PLCE1: variants seen among roughly 807,000 people sequenced by gnomAD.
The protein encoded by PLCE1 is phospholipase C epsilon 1, also known as 1-phosphatidylinositol 4,5-bisphosphate phosphodiesterase epsilon-1.
In PLCE1, 119 loss-of-function variants were observed where a neutral mutation model predicts 242.8. That is an observed-to-expected ratio of 0.49 (90% CI 0.42 to 0.57). The LOEUF (loss-of-function observed/expected upper bound fraction) is 0.57. Ranked by LOEUF, PLCE1 falls within the 20% of genes least tolerant of loss-of-function variation. The probability of loss-of-function intolerance (pLI) is 0.00; values close to 1 mark genes in which losing one functional copy is unlikely to be tolerated. For missense variants in PLCE1, 2,441 were observed against 2,788.8 expected (o/e 0.88, Z 2.81); for synonymous variants, 945 against 1,017.4 (o/e 0.93, Z 1.35).
chr10:94,280,218 G>T, intron 20 of PLCE1: 1 of 407,654 alleles, frequency 2.5e-6, no homozygotes, highest in South Asian at 2.2e-5. Context: ...TTCTAGCGTG[G>T]CTGATAATCT....
At chr10:94,276,177 C>T (rs1026552447) in intron 19 of PLCE1, among the ~76,000 whole-genome samples, 1 of 152,208 alleles carries the variant, frequency 6.6e-6, no homozygotes, top group East Asian at 1.9e-4. Context: ...AATAAGCCCC[C>T]TGGCATTTGA....
chr10:94,280,246 T>C (rs558726294), intron 20 of PLCE1: 3 of 365,404 alleles, frequency 8.2e-6, no homozygotes, highest in South Asian at 4.8e-5. Flanking sequence ...AGTCGTAGAC[T>C]GAGGTTGCGT....
At chr10:94,017,730 CG>C (rs1564626694) in intron 1 of PLCE1, among the ~76,000 whole-genome samples, 1 of 152,112 alleles carries the variant, frequency 6.6e-6, no homozygotes, top group African/African-American at 2.4e-5. Context: ...CCATCTGCTA[CG>C]GCTTTGTGGG....
chr10:94,127,723 G>T (rs1034218601), intron 2 of PLCE1, among the ~76,000 whole-genome samples: 1 of 152,108 alleles, frequency 6.6e-6, no homozygotes, highest in Non-Finnish European at 1.5e-5. Context: ...ATTTATCAAA[G>T]CTTGTAATTC....
intron 2 of PLCE1, among the ~76,000 whole-genome samples, chr10:94,053,432 C>T (rs759198376): frequency 6.6e-6 from 1 of 152,224 alleles, no homozygotes; most frequent in South Asian, 2.1e-4. Flanking sequence ...ATATTTTGCA[C>T]ATTGCCACAG....
chr10:94,187,181 T>TGTGTGC lies in PLCE1; in HGVS notation c.1809+15686_1809+15687insTGTGCG, dbSNP rs368426619. Reference sequence around the variant, plus strand: ...GTGTGTGTGTGTGTGTGTGTGTGTGTGCGTGCACACACATTACTGCATCTA... The same window carrying TGTGTGC: ...GTGTGTGTGTGTGTGTGTGTGTGTGTGTGTGCGCGTGCACACACATTACTGCATCTA... On this transcript the variant is annotated intron_variant, in intron 4 of 32. Coordinates refer to ENST00000371380, the MANE Select transcript of PLCE1 (RefSeq NM_016341.4). 2.6e-3 allele frequency among the ~76,000 whole-genome samples: 393 copies of TGTGTGC among 149,252 alleles called. 3 individuals are homozygous for TGTGTGC. The highest frequency in any genetic ancestry group is 5.8e-3 in the East Asian group (29 of 5,024).
chr10:94,139,136 T>A (rs1483575432), intron 3 of PLCE1: 1 of 152,348 alleles, frequency 6.6e-6, no homozygotes, highest in Non-Finnish European at 1.5e-5. Context: ...TAACAAAAGT[T>A]AGCTGGGCAT....
intron 3 of PLCE1, among the ~76,000 whole-genome samples, chr10:94,167,573 G>A (rs889970497): frequency 2.0e-5 from 3 of 151,484 alleles, no homozygotes; most frequent in African/African-American, 7.3e-5. Context: ...CAACGTGCAG[G>A]TTTGTTACAT....
chr10:94,235,903 T>A lies in PLCE1; in HGVS notation c.2215-12T>A. The A allele has an allele frequency of 6.2e-7, 1 of 1,611,068 alleles. No homozygotes were observed. The highest frequency in any genetic ancestry group is 8.5e-7 in the Non-Finnish European group (1 of 1,177,836). ...TAAGTTGCAATAGCAAATTCTCGAT[T>A]TTTTTTTGTAGTTTGTAGCAGATTA... On this transcript the variant is annotated splice_polypyrimidine_tract_variant and intron_variant, in intron 6 of 32. Coordinates refer to ENST00000371380, the MANE Select transcript of PLCE1 (RefSeq NM_016341.4).
intron 7 of PLCE1, among the ~76,000 whole-genome samples, chr10:94,238,579 A>G (rs2050399015): frequency 1.3e-5 from 2 of 152,226 alleles, no homozygotes; most frequent in African/African-American, 2.4e-5. Flanking sequence ...AAGCATTCCA[A>G]TTACATTTCA....
rs1200412838 is a variant in PLCE1, at chr10:94,328,259, T to C, written c.*316T>C. On this transcript the variant is annotated 3_prime_UTR_variant, in exon 33 of 33. Transcript: ENST00000371380. ...TCTGTAAAGGGCCAAACAGTAAATA[T>C]TTTAGGGCTGGGGGCCATAAAATAT... The C allele has an allele frequency of 9.0e-6, 2 of 222,370 alleles. No homozygotes were observed. Among genetic ancestry groups the C allele is most frequent in the African/African-American group, 2.2e-5 (1 of 44,540 alleles). 13.8% of individuals were successfully genotyped at this position (222,370 alleles called of 1,614,324 possible).
intron 5 of PLCE1, among the ~76,000 whole-genome samples, chr10:94,230,050 A>T (rs962083197): frequency 3.3e-5 from 5 of 149,710 alleles, no homozygotes; most frequent in Non-Finnish European, 6.0e-5. Context: ...GATTTTTTTT[A>T]TTTTTTAAGC....
At chr10:94,035,618 T>C (rs1381064608) in intron 2 of PLCE1, among the ~76,000 whole-genome samples, 3 of 152,160 alleles carry the variant, frequency 2.0e-5, no homozygotes, top group African/African-American at 7.2e-5. Flanking sequence ...AAGATGCGGC[T>C]GGGGAATAGG....
intron 2 of PLCE1, among the ~76,000 whole-genome samples, chr10:94,062,635 A>G (rs898118900): frequency 1.3e-5 from 2 of 149,680 alleles, no homozygotes; most frequent in Non-Finnish European, 3.0e-5. Flanking sequence ...AGAGAATGCA[A>G]TTAGCCCTCA....
chr10:94,302,162 C>T (rs758906364), intron 24 of PLCE1, among the ~76,000 whole-genome samples: 1 of 152,114 alleles, frequency 6.6e-6, no homozygotes, highest in Non-Finnish European at 1.5e-5. Context: ...ATTTGAGGTC[C>T]GACCTTTATT....
rs574064474 is a variant in PLCE1, at chr10:94,156,207, C to G, written c.1493-14973C>G. 1.5e-4 allele frequency among the ~76,000 whole-genome samples: 23 copies of G among 152,268 alleles called. 1 individual carries two copies. In the South Asian group the frequency reaches 4.6e-3, roughly 30 times the overall value. The stretch of plus-strand genomic sequence containing the variant: ...TACCAAGAATGTATTCTCCGTCTCT[C>G]CTGACACCAACTGGGCGTCTTATAA... On this transcript the variant is annotated intron_variant, in intron 3 of 32. Coordinates refer to ENST00000371380, the MANE Select transcript of PLCE1 (RefSeq NM_016341.4).
In PLCE1 at chr10:94,030,755, A is replaced by G. The variant is rs552965911; in HGVS notation, c.-292A>G. 3.6e-4 allele frequency: 153 copies of G among 420,984 alleles called. 2 individuals carry two copies. The highest frequency in any genetic ancestry group is 3.6e-3 in the South Asian group (148 of 41,474). The allele number at this position is 420,984 out of a possible 1,614,324, so 26.1% of individuals were successfully genotyped here. On this transcript the variant is annotated 5_prime_UTR_variant, in exon 2 of 33. Transcript: ENST00000371380. ...GATGGATCAGAAGTTGCAGAGTGCAATCCCGAGTAAAAGTCTTCAAAAAAT... is the reference window on the plus strand; with the variant it reads ...GATGGATCAGAAGTTGCAGAGTGCAGTCCCGAGTAAAAGTCTTCAAAAAAT...
chr10:94,300,042 G>T (rs1306982027), intron 24 of PLCE1, among the ~76,000 whole-genome samples: 1 of 152,136 alleles, frequency 6.6e-6, no homozygotes, highest in East Asian at 1.9e-4. Flanking sequence ...TGGCTGGTGG[G>T]TTCACATCTC....
At chr10:94,250,721 C>G (rs901887549) in intron 8 of PLCE1, among the ~76,000 whole-genome samples, 5 of 152,044 alleles carry the variant, frequency 3.3e-5, no homozygotes, top group Admixed American at 6.6e-5. Context: ...AAAATCAAAG[C>G]AGTATAGGTT....
Sources: allele counts gnomAD v4.1 joint callset (sites outside exome capture counted in the v4.1 genomes callset), GRCh38; gene constraint gnomAD v4.1.1; transcripts MANE v1.5; gene names NCBI Gene and HGNC (gene_info 2026-07-23, HGNC 2026-07-21).